The following ANKRD36 variants were observed in gnomAD, a reference collection of about 807,000 sequenced individuals.
ANKRD36 encodes the protein ankyrin repeat domain-containing protein 36A.
A neutral mutation model predicts 278.1 loss-of-function variants in ANKRD36; 179 were observed. That is an observed-to-expected ratio of 0.64 (90% CI 0.57 to 0.73). The LOEUF (loss-of-function observed/expected upper bound fraction) is 0.73, where lower values mean the gene tolerates loss of function less well. ANKRD36 is among the 30% of genes least tolerant of loss of function. ANKRD36 has a pLI of 0.00. For synonymous variants in ANKRD36, 320 were observed against 641.1 expected (o/e 0.50, Z 7.57); for missense variants, 1,159 against 1,956.7 (o/e 0.59, Z 7.69).
At chr2:97,205,627 C>T (rs909453209) in intron 50 of ANKRD36, among the ~76,000 whole-genome samples, 3 of 151,480 alleles carry the variant, frequency 2.0e-5, no homozygotes, top group Non-Finnish European at 3.0e-5. Context: ...GTGAGTTGCT[C>T]CTCTGATTTT....
chr2:97,131,475 A>G (rs1335054227), intron 6 of ANKRD36, among the ~76,000 whole-genome samples: 4 of 152,070 alleles, frequency 2.6e-5, no homozygotes, highest in East Asian at 3.8e-4. Flanking sequence ...CTGGAATTAT[A>G]GTCACGAGCC....
At chr2:97,187,881 A>G (rs1358144337) in intron 32 of ANKRD36, among the ~76,000 whole-genome samples, 1 of 151,796 alleles carries the variant, frequency 6.6e-6, no homozygotes, top group African/African-American at 2.4e-5. Context: ...GGATTGTCAG[A>G]CAGGAAGGAG....
At position 97,180,517 on chromosome 2, in the gene ANKRD36, T is replaced by C. The variant is rs367949308; in HGVS notation, c.1735+584T>C. ...AATATTTGCATAAAAGAAGATTTGATTTTGGCTGCTCCAAGAACTACTGGA... is the reference window on the plus strand; with the variant it reads ...AATATTTGCATAAAAGAAGATTTGACTTTGGCTGCTCCAAGAACTACTGGA... On this transcript the variant is annotated intron_variant, in intron 24 of 75. Coordinates refer to ENST00000420699, the MANE Select transcript of ANKRD36 (RefSeq NM_001354587.1). 7.4e-3 allele frequency among the ~76,000 whole-genome samples: 1,128 copies of C among 151,744 alleles called. 9 individuals are homozygous for C. The highest frequency in any genetic ancestry group is 0.014 in the South Asian group (66 of 4,782).
chr2:97,194,272 C>T (rs993678781), intron 38 of ANKRD36, among the ~76,000 whole-genome samples: 6 of 151,564 alleles, frequency 4.0e-5, no homozygotes, highest in African/African-American at 1.5e-4. Context: ...AATTGTGTGC[C>T]TTCTCATTTA....
At chr2:97,183,934 T>C (rs1471260389) in intron 28 of ANKRD36, among the ~76,000 whole-genome samples, 1 of 151,464 alleles carries the variant, frequency 6.6e-6, no homozygotes, top group Non-Finnish European at 1.5e-5. Context: ...ATAATTTTTC[T>C]CTTATTTCAG....
At chr2:97,191,046 A>G (rs1359257476) in intron 35 of ANKRD36, 40 bp downstream of exon 35, 1 of 1,602,130 alleles carries the variant, frequency 6.2e-7, no homozygotes, top group South Asian at 1.1e-5. Flanking sequence ...TAGTAAATCT[A>G]TAGTCTATGA....
rs2075040625 is a variant in ANKRD36, at chr2:97,244,027, C to A, written c.4489C>A (p.Gln1497Lys). The A allele has an allele frequency of 6.4e-7, 1 of 1,565,186 alleles. No individual in the cohort carries two copies. Among genetic ancestry groups the A allele is most frequent in the Non-Finnish European group, 8.7e-7 (1 of 1,153,974 alleles). Residue 1497 changes from glutamine to lysine, a missense_variant and splice_region_variant, in exon 70 of 76, where the codon CAG becomes AAG. Coordinates refer to ENST00000420699, the MANE Select transcript of ANKRD36 (RefSeq NM_001354587.1). ...ELKTGGNNSN[Q>K]VSETDEKEDL... ...GAAGACAGGAGGAAATAATTCAAATCAGGTAAATTAATGTTTGGTAAAACT... is the reference window on the plus strand; with the variant it reads ...GAAGACAGGAGGAAATAATTCAAATAAGGTAAATTAATGTTTGGTAAAACT...
chr2:97,221,749 G>C (rs1435286040), intron 66 of ANKRD36, among the ~76,000 whole-genome samples: 1 of 149,684 alleles, frequency 6.7e-6, no homozygotes, highest in South Asian at 2.2e-4. Context: ...TCGGATGGTA[G>C]TTTCTTTTGC....
chr2:97,173,941 G>A (rs1231206786), intron 22 of ANKRD36, among the ~76,000 whole-genome samples: 1 of 150,204 alleles, frequency 6.7e-6, no homozygotes, highest in African/African-American at 2.4e-5. Context: ...AGACCCCGAT[G>A]GTATATCATG....
intron 67 of ANKRD36, among the ~76,000 whole-genome samples, chr2:97,226,584 A>T (rs1305015530): frequency 4.0e-5 from 6 of 151,708 alleles, no homozygotes. Flanking sequence ...TTGCCTGTTC[A>T]CTCTGATGGT....
intron 67 of ANKRD36, among the ~76,000 whole-genome samples, chr2:97,226,324 G>A (rs1219739048): frequency 6.6e-6 from 1 of 152,032 alleles, no homozygotes; most frequent in Non-Finnish European, 1.5e-5. Flanking sequence ...ATCCTAACTG[G>A]TGTGAGATGG....
intron 54 of ANKRD36, among the ~76,000 whole-genome samples, 194 bp downstream of exon 54, chr2:97,208,200 A>G (rs559667851): frequency 2.2e-4 from 32 of 146,640 alleles, no homozygotes; most frequent in Admixed American, 4.1e-4. Context: ...GTAAGATTAT[A>G]CACTTCCCCA....
intron 44 of ANKRD36, among the ~76,000 whole-genome samples, chr2:97,198,914 T>C (rs1483616135): frequency 1.3e-5 from 2 of 151,794 alleles, no homozygotes; most frequent in East Asian, 3.9e-4. Context: ...CATAAGGGGC[T>C]CCGGGGAACA....
At chr2:97,202,888 G>A (rs900488848) in intron 48 of ANKRD36, among the ~76,000 whole-genome samples, 5 of 151,784 alleles carry the variant, frequency 3.3e-5, no homozygotes, top group South Asian at 2.1e-4. Flanking sequence ...GAAGTCATTT[G>A]TATAATTTTG....
At chr2:97,174,379 A>G (rs2053588757) in intron 22 of ANKRD36, among the ~76,000 whole-genome samples, 1 of 151,590 alleles carries the variant, frequency 6.6e-6, no homozygotes, top group South Asian at 2.1e-4. Flanking sequence ...GGAAGCAGGA[A>G]AGAGTGATAG....
rs575654113 is a variant in ANKRD36 at position 97,207,430 on chromosome 2, C to G, written c.3164-381C>G. Among the ~76,000 whole-genome samples, 650 of 151,064 alleles carry G rather than the reference C, an allele frequency of 4.3e-3. 6 individuals carry two copies. The highest frequency in any genetic ancestry group is 0.015 in the African/African-American group (616 of 41,366). On this transcript the variant is annotated intron_variant, in intron 52 of 75. Coordinates refer to ENST00000420699, the MANE Select transcript of ANKRD36 (RefSeq NM_001354587.1). ...ATAATGGTGTAAATCCTTTTTATTT[C>G]CTGCATGAAAGACATGTGGGATCAT...
At chr2:97,178,750 G>A (rs1351924283) in intron 22 of ANKRD36, among the ~76,000 whole-genome samples, 1 of 151,520 alleles carries the variant, frequency 6.6e-6, no homozygotes, top group African/African-American at 2.4e-5. Context: ...AGTGGGTGCA[G>A]CGCACCAGCA....
intron 15 of ANKRD36, among the ~76,000 whole-genome samples, chr2:97,155,120 C>T (rs2047143474): frequency 1.5e-5 from 2 of 137,908 alleles, no homozygotes; most frequent in East Asian, 4.0e-4. Flanking sequence ...ACTAATAATA[C>T]CTCTGTTTAA....
chr2:97,178,106 T>C, intron 22 of ANKRD36, among the ~76,000 whole-genome samples: 1 of 150,258 alleles, frequency 6.7e-6, no homozygotes, highest in Non-Finnish European at 1.5e-5. Flanking sequence ...ATCAGAGAAA[T>C]GCAAATCAAA....
Sources: allele counts gnomAD v4.1 joint callset (sites outside exome capture counted in the v4.1 genomes callset), GRCh38; gene constraint gnomAD v4.1.1; transcripts MANE v1.5; gene names NCBI Gene and HGNC (gene_info 2026-07-23, HGNC 2026-07-21).